The following RBFOX1 variants were observed in gnomAD, a reference collection of about 807,000 sequenced individuals.
RBFOX1 encodes the protein RNA binding fox-1 homolog 1, also known as RNA binding protein fox-1 homolog 1.
A neutral mutation model predicts 57.7 loss-of-function variants in RBFOX1; 8 were observed. The observed-to-expected ratio is 0.14, with a 90% CI of 0.08 to 0.25. RBFOX1 has a LOEUF of 0.25. RBFOX1 is among the 10% of genes least tolerant of loss of function. The probability of loss-of-function intolerance (pLI) is 1.00; values close to 1 mark genes in which losing one functional copy is unlikely to be tolerated. For missense variants in RBFOX1, 611 were observed against 548.5 expected, an observed-to-expected ratio of 1.11 and a Z score of -1.14; for synonymous variants, 326 against 222.4, an observed-to-expected ratio of 1.47 and a Z score of -4.15.
intron 1 of RBFOX1, among the ~76,000 whole-genome samples, chr16:6,111,367 T>A (rs11862199): frequency 0.037 from 5,704 of 152,222 alleles, 187 homozygotes; most frequent in African/African-American, 0.081. Flanking sequence ...ATGGGCTTAT[T>A]TTCTTGAAGC....
chr16:6,686,924 TTG>T (rs2059517680), intron 3 of RBFOX1, among the ~76,000 whole-genome samples: 1 of 152,208 alleles, frequency 6.6e-6, no homozygotes, highest in South Asian at 2.1e-4. Flanking sequence ...TGTACCTGAT[TTG>T]TGTGTGTATA....
intron 5 of RBFOX1, among the ~76,000 whole-genome samples, chr16:7,563,264 C>T (rs924679656): frequency 1.4e-4 from 21 of 152,134 alleles, no homozygotes; most frequent in African/African-American, 5.1e-4. Context: ...CCATCCTAAG[C>T]ACTTACAGGT....
rs149032195 is a variant in RBFOX1, at chr16:5,479,715, C to A, written c.258+12461C>A. 3.9e-5 allele frequency among the ~76,000 whole-genome samples: 6 copies of A among 152,132 alleles called. No homozygotes were observed. The South Asian group carries it at 6.2e-4, about 16-fold the overall frequency. On this transcript the variant is annotated intron_variant, in intron 2 of 2. Coordinates refer to the RBFOX1 transcript ENST00000585867. The stretch of plus-strand genomic sequence containing the variant: ...TAGAGGTTGCAGTGATCCAAGATCG[C>A]GCCATTCCAGCCTGAGACAAGAACG...
intron 14 of RBFOX1, chr16:7,693,477 AAG>A: frequency 1.2e-6 from 1 of 803,908 alleles, no homozygotes; most frequent in East Asian, 2.6e-5. Context: ...AAGTTTAGTT[AAG>A]AAAAAAAAAA....
chr16:6,020,013 T>A lies in RBFOX1; in HGVS notation c.-127+21T>A, dbSNP rs148428531. ...TCTAGGTAAGTCCAGGCGGAGTCATTGCCTCTGCACCCACCCTGACCTGGT... is the reference window on the plus strand; with the variant it reads ...TCTAGGTAAGTCCAGGCGGAGTCATAGCCTCTGCACCCACCCTGACCTGGT... On this transcript the variant is annotated intron_variant, in intron 1 of 15. Coordinates refer to ENST00000550418, the MANE Select transcript of RBFOX1 (RefSeq NM_018723.4). 5.2e-3 allele frequency: 7,776 copies of A among 1,505,618 alleles called. 30 individuals carry two copies. Among genetic ancestry groups the A allele is most frequent in the Middle Eastern group, 7.1e-3 (42 of 5,884 alleles). 93.3% of individuals were successfully genotyped at this position (1,505,618 alleles called of 1,614,324 possible).
At chr16:7,562,321 C>T (rs1301283175) in intron 5 of RBFOX1, among the ~76,000 whole-genome samples, 1 of 152,126 alleles carries the variant, frequency 6.6e-6, no homozygotes, top group East Asian at 1.9e-4. Context: ...AGGGTACCTG[C>T]CGCCTGTTCC....
rs549713916 is a variant in RBFOX1, at chr16:5,407,768, C to T, written c.220-59448C>T. Among the ~76,000 whole-genome samples, 130 of 152,230 alleles carry T rather than the reference C, an allele frequency of 8.5e-4. 1 individual carries two copies. The highest frequency in any genetic ancestry group is 1.7e-3 in the Non-Finnish European group (114 of 68,010). On this transcript the variant is annotated intron_variant, in intron 1 of 2. Coordinates refer to the RBFOX1 transcript ENST00000585867. ...TTCACTGTGTTGGCCAGGCTGGTCTCGAACTCCTGACCTCAAACGATCCAA... is the reference window on the plus strand; with the variant it reads ...TTCACTGTGTTGGCCAGGCTGGTCTTGAACTCCTGACCTCAAACGATCCAA...
intron 4 of RBFOX1, among the ~76,000 whole-genome samples, chr16:7,136,645 G>T (rs1247198841): frequency 6.6e-6 from 1 of 152,064 alleles, no homozygotes; most frequent in African/African-American, 2.4e-5. Flanking sequence ...TTGAACTCCT[G>T]GCCTCAAACA....
intron 1 of RBFOX1, among the ~76,000 whole-genome samples, chr16:5,244,611 A>G (rs1471963359): frequency 6.6e-6 from 1 of 152,212 alleles, no homozygotes. Flanking sequence ...CCTGGCAACA[A>G]TCTTTGAAGC....
At chr16:6,485,062 A>G (rs1331581498) in intron 2 of RBFOX1, among the ~76,000 whole-genome samples, 1 of 152,184 alleles carries the variant, frequency 6.6e-6, no homozygotes, top group Non-Finnish European at 1.5e-5. Flanking sequence ...TGTTTGTGGC[A>G]TGGAGTAACT....
At chr16:7,266,163 G>T (rs1416031167) in intron 4 of RBFOX1, among the ~76,000 whole-genome samples, 1 of 151,854 alleles carries the variant, frequency 6.6e-6, no homozygotes, top group Non-Finnish European at 1.5e-5. Context: ...TTTTAGTACA[G>T]ACGGGGTTTC....
chr16:7,625,003 C>T (rs564569256), intron 10 of RBFOX1, among the ~76,000 whole-genome samples: 1 of 152,194 alleles, frequency 6.6e-6, no homozygotes, highest in South Asian at 2.1e-4. Flanking sequence ...GGGCCTGGAA[C>T]AGAGAAACCT....
At chr16:6,129,297 C>T (rs977893346) in intron 1 of RBFOX1, among the ~76,000 whole-genome samples, 5 of 151,714 alleles carry the variant, frequency 3.3e-5, no homozygotes, top group Admixed American at 6.6e-5. Flanking sequence ...AATGAATAAA[C>T]AAGGGATCCC....
intron 2 of RBFOX1, among the ~76,000 whole-genome samples, chr16:5,555,594 A>G (rs2045637991): frequency 6.6e-6 from 1 of 152,152 alleles, no homozygotes; most frequent in Non-Finnish European, 1.5e-5. Context: ...CTTTTGCACC[A>G]ACCTTATAGT....
chr16:5,879,293 G>C (rs183144260), intron 4 of RBFOX1, among the ~76,000 whole-genome samples: 34 of 152,328 alleles, frequency 2.2e-4, no homozygotes, highest in African/African-American at 7.9e-4. Context: ...AGCAGAAGCT[G>C]GAGGGAGAAA....
At position 7,691,963 on chromosome 16, in the gene RBFOX1, T is replaced by C. The variant is rs554884601; in HGVS notation, c.995+15125T>C. Among the ~76,000 whole-genome samples, 128 of 152,288 alleles carry C rather than the reference T, an allele frequency of 8.4e-4. 1 individual carries two copies. The highest frequency in any genetic ancestry group is 2.8e-3 in the African/African-American group (117 of 41,582). On this transcript the variant is annotated intron_variant, in intron 14 of 15. Coordinates refer to ENST00000550418, the MANE Select transcript of RBFOX1 (RefSeq NM_018723.4). ...CTGTTTTGTGCAGCCCAGAATATCA[T>C]ACCTGTAGTTAGGAATTCCCGTGTT...
intron 3 of RBFOX1, among the ~76,000 whole-genome samples, chr16:6,967,463 G>A (rs1173693080): frequency 2.6e-5 from 4 of 152,120 alleles, no homozygotes; most frequent in African/African-American, 9.7e-5. Context: ...TAGGATGGGG[G>A]CAGTGGATAG....
intron 1 of RBFOX1, among the ~76,000 whole-genome samples, chr16:6,164,137 G>A (rs111934522): frequency 2.4e-4 from 37 of 152,182 alleles, no homozygotes; most frequent in Non-Finnish European, 4.7e-4. Flanking sequence ...GTGACCATAC[G>A]TTTTGTAACA....
chr16:7,354,443 A>T (rs1429569101), intron 4 of RBFOX1, among the ~76,000 whole-genome samples: 1 of 152,206 alleles, frequency 6.6e-6, no homozygotes, highest in Non-Finnish European at 1.5e-5. Flanking sequence ...GTTGGAAAGT[A>T]TTAAAGAGGT....
Sources: gnomAD v4.1 joint callset for allele counts (sites outside exome capture counted in the v4.1 genomes callset) on GRCh38, gnomAD v4.1.1 for gene constraint, MANE v1.5 for transcripts, NCBI Gene and HGNC (gene_info 2026-07-23, HGNC 2026-07-21) for gene names.